Variants in BMPR1B observed in about 807,000 individuals in gnomAD.
BMPR1B encodes the protein bone morphogenetic protein receptor type 1B.
BMPR1B carries 12 observed loss-of-function variants against 59.1 expected under a neutral mutation model. That is an observed-to-expected ratio of 0.20 (90% CI 0.13 to 0.33). The LOEUF (loss-of-function observed/expected upper bound fraction) is 0.33, where lower values mean the gene tolerates loss of function less well. Ranked by LOEUF, BMPR1B falls within the 10% of genes least tolerant of loss-of-function variation. The pLI is 1.00. For missense variants in BMPR1B, 550 were observed against 610.9 expected (o/e 0.90, Z 1.05); for synonymous variants, 237 against 207.3 (o/e 1.14, Z -1.23).
intron 1 of BMPR1B, among the ~76,000 whole-genome samples, chr4:94,840,521 C>T (rs1449265998): frequency 1.4e-5 from 2 of 146,702 alleles, no homozygotes; most frequent in Non-Finnish European, 3.0e-5. Context: ...TTTCACCTTC[C>T]ATTGCTGATA....
intron 1 of BMPR1B, among the ~76,000 whole-genome samples, chr4:94,818,566 A>C (rs1724093772): frequency 6.6e-6 from 1 of 152,252 alleles, no homozygotes; most frequent in Admixed American, 6.5e-5. Context: ...TGACCAGAAC[A>C]GCCAGAAATC....
intron 3 of BMPR1B, among the ~76,000 whole-genome samples, chr4:95,052,467 A>G (rs1726574745): frequency 6.6e-6 from 1 of 152,236 alleles, no homozygotes; most frequent in Non-Finnish European, 1.5e-5. Flanking sequence ...GTGATTGCAA[A>G]GAGGGAGTTA....
Position 95,156,127 on chromosome 4 carries a change from A to G in BMPR1B, c.*1454A>G, listed in dbSNP as rs1176543878. The G allele has an allele frequency of 2.6e-5, 4 of 152,078 alleles. No individual in the cohort carries two copies. Among genetic ancestry groups the G allele is most frequent in the Admixed American group, 6.5e-5 (1 of 15,274 alleles). The allele number at this position is 152,078 out of a possible 1,614,324, so 9.4% of individuals were successfully genotyped here. On this transcript the variant is annotated 3_prime_UTR_variant, in exon 13 of 13. Transcript: ENST00000515059. Reference sequence around the variant, plus strand: ...CACCTACTTAGTTCTACAGGGTTTTAACTTTGGAGCAACATGAATAAAATC... The same window carrying G: ...CACCTACTTAGTTCTACAGGGTTTTGACTTTGGAGCAACATGAATAAAATC...
chr4:95,048,246 C>T (rs186413064), intron 3 of BMPR1B, among the ~76,000 whole-genome samples: 49 of 152,202 alleles, frequency 3.2e-4, no homozygotes, highest in Non-Finnish European at 6.3e-4. Context: ...AATAGTGCTG[C>T]GATGAACATA....
At position 95,155,174 on chromosome 4, in the gene BMPR1B, G is replaced by C. The variant is rs1480151632; in HGVS notation, c.*501G>C. 6.0e-6 allele frequency: 1 copy of C among 165,448 alleles called. No individual in the cohort carries two copies. The highest frequency in any genetic ancestry group is 1.3e-5 in the Non-Finnish European group (1 of 76,006). The allele number at this position is 165,448 out of a possible 1,614,324, so 10.2% of individuals were successfully genotyped here. A position where few individuals can be genotyped will look rare whatever the true frequency, so the allele number is the denominator to read the frequency against. On this transcript the variant is annotated 3_prime_UTR_variant, in exon 13 of 13. Coordinates refer to ENST00000515059, the MANE Select transcript of BMPR1B (RefSeq NM_001203.3). Reference sequence around the variant, plus strand: ...AGTCTAAGTTGGAGGACATAGAACGGAACTCATCTTAAACATACTCCCCAC... The same window carrying C: ...AGTCTAAGTTGGAGGACATAGAACGCAACTCATCTTAAACATACTCCCCAC...
At chr4:95,138,949 T>C (rs1181568917) in intron 10 of BMPR1B, among the ~76,000 whole-genome samples, 2 of 152,238 alleles carry the variant, frequency 1.3e-5, no homozygotes, top group East Asian at 1.9e-4. Flanking sequence ...CTTTGTTCCA[T>C]TGCTGGTGAG....
chr4:94,844,087 T>C (rs950362243), intron 1 of BMPR1B, among the ~76,000 whole-genome samples: 2 of 152,202 alleles, frequency 1.3e-5, no homozygotes, highest in South Asian at 2.1e-4. Flanking sequence ...AGAGATCTCA[T>C]GTGCAGCATG....
intron 2 of BMPR1B, among the ~76,000 whole-genome samples, chr4:94,991,619 G>A (rs1025853543): frequency 1.3e-5 from 2 of 152,136 alleles, no homozygotes; most frequent in African/African-American, 4.8e-5. Context: ...AACTGGTCAG[G>A]GACATTTAAG....
intron 1 of BMPR1B, among the ~76,000 whole-genome samples, chr4:94,843,778 G>A (rs1725198905): frequency 6.6e-6 from 1 of 152,102 alleles, no homozygotes; most frequent in African/African-American, 2.4e-5. Context: ...AGCCTTACGA[G>A]CCGTTTCCTC....
chr4:94,835,521 G>A lies in BMPR1B; in HGVS notation c.-182-40310G>A, dbSNP rs192165202. On this transcript the variant is annotated intron_variant, in intron 1 of 12. Coordinates refer to ENST00000515059, the MANE Select transcript of BMPR1B (RefSeq NM_001203.3). ...ATAAGCTTAACAAGTGTTCAGGATC[G>A]CAATAAATTATATCAGTTGGCAAAA... Among the ~76,000 whole-genome samples, 34 of 152,226 alleles carry A rather than the reference G, an allele frequency of 2.2e-4. No homozygotes were observed. The South Asian group carries it at 4.8e-3, about 21-fold the overall frequency.
chr4:94,934,562 A>G (rs891147631), intron 2 of BMPR1B, among the ~76,000 whole-genome samples: 1 of 151,492 alleles, frequency 6.6e-6, no homozygotes, highest in Non-Finnish European at 1.5e-5. Context: ...CCTAAACATC[A>G]GTGCCAGGAT....
At chr4:94,981,005 A>ACGCGCGTGTACGCGCGCG (rs34635740) in intron 2 of BMPR1B, among the ~76,000 whole-genome samples, 1 of 122,710 alleles carries the variant, frequency 8.1e-6, no homozygotes, top group African/African-American at 3.4e-5. Flanking sequence ...ACACACACAC[A>ACGCGCGTGTACGCGCGCG]CACACACACA....
intron 2 of BMPR1B, among the ~76,000 whole-genome samples, chr4:94,978,009 C>T (rs572618626): frequency 1.6e-4 from 25 of 152,254 alleles, no homozygotes; most frequent in African/African-American, 5.8e-4. Flanking sequence ...GAATCTCTTC[C>T]TTCCAATAAC....
chr4:95,059,048 C>T (rs988758157), intron 3 of BMPR1B, among the ~76,000 whole-genome samples: 1 of 152,212 alleles, frequency 6.6e-6, no homozygotes, highest in African/African-American at 2.4e-5. Context: ...TGTATTTATC[C>T]ATGAAATAAT....
At chr4:95,032,373 C>T (rs1264954946) in intron 3 of BMPR1B, among the ~76,000 whole-genome samples, 1 of 152,096 alleles carries the variant, frequency 6.6e-6, no homozygotes, top group Admixed American at 6.6e-5. Context: ...AGGGTCCTTA[C>T]TCTCATGATG....
intron 1 of BMPR1B, among the ~76,000 whole-genome samples, chr4:94,811,602 C>T (rs1342084480): frequency 6.6e-6 from 1 of 151,946 alleles, no homozygotes; most frequent in Admixed American, 6.6e-5. Flanking sequence ...GAATTGATGG[C>T]CCTTTAAAAA....
At chr4:95,011,508 C>T (rs1460405683) in intron 3 of BMPR1B, among the ~76,000 whole-genome samples, 1 of 152,160 alleles carries the variant, frequency 6.6e-6, no homozygotes, top group Non-Finnish European at 1.5e-5. Context: ...GTCGCTCTAG[C>T]TGTCATGTCT....
intron 3 of BMPR1B, among the ~76,000 whole-genome samples, chr4:95,045,598 C>T (rs557196040): frequency 1.3e-5 from 2 of 152,302 alleles, no homozygotes; most frequent in East Asian, 3.9e-4. Context: ...CCAGTGAATT[C>T]CTACTTATCT....
chr4:95,073,103 AGGGGGGGAAATCATTGCTAGAAATAG>A (rs1728440542), intron 3 of BMPR1B, among the ~76,000 whole-genome samples: 1 of 152,132 alleles, frequency 6.6e-6, no homozygotes, highest in South Asian at 2.1e-4. Context: ...CTAAGAGATA[AGGGGGGGAAATCATTGCTAGAAATAG>A]CAAACATAGT....
Sources: gnomAD v4.1 joint callset for allele counts (sites outside exome capture counted in the v4.1 genomes callset) on GRCh38, gnomAD v4.1.1 for gene constraint, MANE v1.5 for transcripts, NCBI Gene and HGNC (gene_info 2026-07-23, HGNC 2026-07-21) for gene names.